Variants in PARD3 observed in about 807,000 individuals in gnomAD.
The protein encoded by PARD3 is partitioning defective 3 homolog.
In PARD3, 75 loss-of-function variants were observed where a neutral mutation model predicts 155.4. That is an observed-to-expected ratio of 0.48 (90% CI 0.40 to 0.58). The LOEUF (loss-of-function observed/expected upper bound fraction) is 0.58, where lower values mean the gene tolerates loss of function less well. Ranked by LOEUF, PARD3 falls within the 20% of genes least tolerant of loss-of-function variation. PARD3 has a pLI of 0.00. For missense variants in PARD3, 1,642 were observed against 1,721.7 expected, an observed-to-expected ratio of 0.95 and a Z score of 0.82; for synonymous variants, 576 against 610.5, an observed-to-expected ratio of 0.94 and a Z score of 0.83.
intron 3 of PARD3, among the ~76,000 whole-genome samples, chr10:34,515,774 A>T (rs955131894): frequency 2.0e-5 from 3 of 152,074 alleles, no homozygotes; most frequent in Non-Finnish European, 4.4e-5. Flanking sequence ...TTAGAAGAAT[A>T]AATTATATAT....
chr10:34,465,779 G>A (rs968368877), intron 4 of PARD3, among the ~76,000 whole-genome samples: 1 of 151,434 alleles, frequency 6.6e-6, no homozygotes, highest in African/African-American at 2.5e-5. Flanking sequence ...AAGGAACAAT[G>A]GCTTGTAGCA....
At chr10:34,125,735 G>C (rs1947254039) in intron 23 of PARD3, among the ~76,000 whole-genome samples, 1 of 152,192 alleles carries the variant, frequency 6.6e-6, no homozygotes, top group African/African-American at 2.4e-5. Context: ...AAACAAGCAA[G>C]CTTGAGGGAG....
chr10:34,372,281 G>A (rs999429526), intron 12 of PARD3, among the ~76,000 whole-genome samples: 6 of 151,874 alleles, frequency 4.0e-5, no homozygotes, highest in African/African-American at 7.3e-5. Context: ...TCTTTTTTGC[G>A]TCTATCTGAC....
intron 4 of PARD3, among the ~76,000 whole-genome samples, chr10:34,461,749 A>T (rs1405018695): frequency 2.6e-5 from 4 of 152,228 alleles, no homozygotes; most frequent in Admixed American, 1.3e-4. Context: ...AAGTCAAGAC[A>T]ATCAGGTATA....
chr10:34,755,117 C>G (rs774406625), intron 1 of PARD3, among the ~76,000 whole-genome samples: 2 of 151,768 alleles, frequency 1.3e-5, no homozygotes, highest in African/African-American at 4.8e-5. Context: ...ATTGCTGGGC[C>G]GAGGCTGGGC....
At chr10:34,308,872 G>A (rs1010388399) in intron 20 of PARD3, among the ~76,000 whole-genome samples, 1 of 152,160 alleles carries the variant, frequency 6.6e-6, no homozygotes, top group African/African-American at 2.4e-5. Flanking sequence ...GGAGGACAGA[G>A]TATGGCACAG....
intron 20 of PARD3, among the ~76,000 whole-genome samples, chr10:34,314,390 CA>C (rs200425490): frequency 3.9e-5 from 6 of 152,166 alleles, no homozygotes; most frequent in Non-Finnish European, 8.8e-5. Context: ...CATTCAATAA[CA>C]AAAAAGCTTA....
chr10:34,545,435 TG>T (rs1483139249), intron 2 of PARD3, among the ~76,000 whole-genome samples: 19 of 152,302 alleles, frequency 1.2e-4, no homozygotes, highest in African/African-American at 4.6e-4. Flanking sequence ...CATTTGGACA[TG>T]GTATCAGTAA....
chr10:34,565,519 G>C (rs1370882078), intron 2 of PARD3, among the ~76,000 whole-genome samples: 1 of 151,850 alleles, frequency 6.6e-6, no homozygotes, highest in Admixed American at 6.6e-5. Flanking sequence ...CGCCCGCCTC[G>C]GCCTCCCAAG....
rs938866724 is a variant in PARD3, at chr10:34,110,372, T to C, written c.*797A>G. On this transcript the variant is annotated 3_prime_UTR_variant, in exon 25 of 25. Transcript: ENST00000374788. Reference sequence around the variant, plus strand: ...TTCTTTCTTAGCTCTCCCCTCATGATAGACACAGGGCCAATGGCAGGCCCA... The same window carrying C: ...TTCTTTCTTAGCTCTCCCCTCATGACAGACACAGGGCCAATGGCAGGCCCA... 1 of 152,176 alleles carries C rather than the reference T, an allele frequency of 6.6e-6. No individual in the cohort carries two copies. The highest frequency in any genetic ancestry group is 1.9e-4 in the East Asian group (1 of 5,174). The allele number at this position is 152,176 out of a possible 1,614,324, so 9.4% of individuals were successfully genotyped here.
intron 22 of PARD3, among the ~76,000 whole-genome samples, chr10:34,224,710 G>T (rs1397649873): frequency 6.6e-6 from 1 of 152,222 alleles, no homozygotes; most frequent in Non-Finnish European, 1.5e-5. Context: ...ACAAAGCGCA[G>T]AATGACTGGG....
chr10:34,723,547 T>C (rs1404589611), intron 1 of PARD3, among the ~76,000 whole-genome samples: 1 of 152,198 alleles, frequency 6.6e-6, no homozygotes, highest in Non-Finnish European at 1.5e-5. Context: ...ATAAACTTCT[T>C]TGAGCTCATA....
intron 3 of PARD3, among the ~76,000 whole-genome samples, chr10:34,508,767 A>AATAC (rs2081233511): frequency 6.6e-6 from 1 of 152,178 alleles, no homozygotes; most frequent in Admixed American, 6.5e-5. Flanking sequence ...CCCATTCCAG[A>AATAC]ATACATGTCC....
chr10:34,425,280 A>G (rs1440393817), intron 5 of PARD3, among the ~76,000 whole-genome samples: 1 of 152,114 alleles, frequency 6.6e-6, no homozygotes, highest in Non-Finnish European at 1.5e-5. Flanking sequence ...CCCTTCTTTC[A>G]CCAACATTGC....
intron 2 of PARD3, among the ~76,000 whole-genome samples, chr10:34,571,571 T>C (rs936749984): frequency 1.3e-5 from 2 of 152,190 alleles, no homozygotes; most frequent in African/African-American, 4.8e-5. Context: ...CTCTTCAGCA[T>C]GGTGTAGCAA....
At chr10:34,131,676 G>A (rs1947621436) in intron 22 of PARD3, 93 bp from the exon 23 acceptor site, 2 of 1,108,774 alleles carry the variant, frequency 1.8e-6, no homozygotes, top group Admixed American at 3.9e-5. Flanking sequence ...GCTGTGAAAT[G>A]ACGCCATTTA....
intron 1 of PARD3, among the ~76,000 whole-genome samples, chr10:34,806,425 G>A (rs189469858): frequency 7.2e-5 from 11 of 152,136 alleles, no homozygotes; most frequent in East Asian, 1.9e-4. Context: ...TCCTGACCTC[G>A]TGATCCACCC....
chr10:34,382,508 A>G (rs1434655697), intron 9 of PARD3, 32 bp downstream of exon 9: 3 of 1,584,352 alleles, frequency 1.9e-6, no homozygotes, highest in Admixed American at 4.0e-5. Flanking sequence ...AAGAAAAGAA[A>G]TTCCACAAAA....
At chr10:34,677,640 C>T (rs1460571065) in intron 2 of PARD3, among the ~76,000 whole-genome samples, 3 of 152,118 alleles carry the variant, frequency 2.0e-5, no homozygotes, top group Non-Finnish European at 4.4e-5. Context: ...GAATCAGTAT[C>T]ACACATTTGA....
Sources: gnomAD v4.1 joint callset for allele counts (sites outside exome capture counted in the v4.1 genomes callset) on GRCh38, gnomAD v4.1.1 for gene constraint, MANE v1.5 for transcripts, NCBI Gene and HGNC (gene_info 2026-07-23, HGNC 2026-07-21) for gene names.